Variants in MFHAS1 observed in about 807,000 individuals in gnomAD.
The protein encoded by MFHAS1 is multifunctional ROCO family signaling regulator 1.
A neutral mutation model predicts 70.4 loss-of-function variants in MFHAS1; 50 were observed. The observed-to-expected ratio is 0.71, with a 90% CI of 0.57 to 0.90. MFHAS1 has a LOEUF of 0.90. Ranked by LOEUF, MFHAS1 falls within the 40% of genes least tolerant of loss-of-function variation. The pLI, the probability that MFHAS1 is intolerant of heterozygous loss-of-function variation, is 0.00. For missense variants in MFHAS1, 1,795 were observed against 1,347.6 expected, an observed-to-expected ratio of 1.33 and a Z score of -5.20; for synonymous variants, 952 against 620.0, an observed-to-expected ratio of 1.54 and a Z score of -7.96.
chr8:8,849,511 TGTCA>T (rs1808163168), intron 1 of MFHAS1, among the ~76,000 whole-genome samples: 2 of 152,210 alleles, frequency 1.3e-5, no homozygotes, highest in South Asian at 4.1e-4. Flanking sequence ...GTGTATTCTG[TGTCA>T]GTAAGAAACG....
intron 1 of MFHAS1, among the ~76,000 whole-genome samples, chr8:8,887,695 A>G (rs1372171863): frequency 6.6e-6 from 1 of 151,498 alleles, no homozygotes; most frequent in East Asian, 1.9e-4. Context: ...TTGAAAAAAA[A>G]TCTCTTCCTT....
chr8:8,804,981 G>C (rs1156435689), intron 1 of MFHAS1, among the ~76,000 whole-genome samples: 1 of 152,180 alleles, frequency 6.6e-6, no homozygotes, highest in African/African-American at 2.4e-5. Flanking sequence ...AAAGATAGGA[G>C]GGAGAAGGGG....
At chr8:8,820,358 T>C (rs1308186765) in intron 1 of MFHAS1, among the ~76,000 whole-genome samples, 2 of 152,006 alleles carry the variant, frequency 1.3e-5, no homozygotes, top group Admixed American at 6.6e-5. Context: ...CATGCACACA[T>C]CAGGAATTTT....
rs190563279 is a variant in MFHAS1, at chr8:8,883,542, T to C, written c.2998+6519A>G. 1.3e-3 allele frequency among the ~76,000 whole-genome samples: 192 copies of C among 151,692 alleles called. 1 individual carries two copies. The highest frequency in any genetic ancestry group is 4.4e-3 in the African/African-American group (180 of 41,336). On this transcript the variant is annotated intron_variant, in intron 1 of 2. Coordinates refer to ENST00000276282, the MANE Select transcript of MFHAS1 (RefSeq NM_004225.3). ...GGCCAACATGGTGAAACCTCGTTTC[T>C]ACTAAAATTACAAAAATTAGCTGGG...
intron 1 of MFHAS1, among the ~76,000 whole-genome samples, chr8:8,874,102 T>G (rs979363037): frequency 6.6e-6 from 1 of 152,178 alleles, no homozygotes; most frequent in African/African-American, 2.4e-5. Flanking sequence ...CACTTTGATT[T>G]AGAGATTTGT....
intron 1 of MFHAS1, among the ~76,000 whole-genome samples, chr8:8,882,769 C>T (rs971614542): frequency 5.9e-5 from 9 of 152,212 alleles, no homozygotes; most frequent in Admixed American, 4.6e-4. Context: ...ACAGGGGTTC[C>T]TAATCCCTCC....
At chr8:8,845,264 T>C (rs1807986598) in intron 1 of MFHAS1, among the ~76,000 whole-genome samples, 1 of 152,210 alleles carries the variant, frequency 6.6e-6, no homozygotes. Context: ...TCAGAAACAG[T>C]CCTATAGACA....
chr8:8,885,664 A>C (rs1186294743), intron 1 of MFHAS1, among the ~76,000 whole-genome samples: 1 of 152,232 alleles, frequency 6.6e-6, no homozygotes, highest in Non-Finnish European at 1.5e-5. Context: ...GCTACCAGCT[A>C]TGGGCAGCAA....
At chr8:8,807,855 C>T (rs900887413) in intron 1 of MFHAS1, among the ~76,000 whole-genome samples, 1 of 152,190 alleles carries the variant, frequency 6.6e-6, no homozygotes, top group African/African-American at 2.4e-5. Flanking sequence ...TGAACTTGAA[C>T]TTGTCATTCA....
intron 1 of MFHAS1, among the ~76,000 whole-genome samples, chr8:8,878,414 T>A (rs1003364651): frequency 6.6e-6 from 1 of 151,972 alleles, no homozygotes; most frequent in African/African-American, 2.4e-5. Context: ...TTAAATAAGA[T>A]CACCCCTAGG....
chr8:8,845,008 GGAGT>G (rs1304516079), intron 1 of MFHAS1, among the ~76,000 whole-genome samples: 2 of 152,154 alleles, frequency 1.3e-5, no homozygotes, highest in African/African-American at 2.4e-5. Context: ...CATTTTTGTT[GGAGT>G]AAGAGGAAAA....
chr8:8,794,701 A>AT (rs140768700), intron 2 of MFHAS1, among the ~76,000 whole-genome samples: 16,867 of 152,202 alleles, frequency 0.11, 1,211 homozygotes, highest in African/African-American at 0.2. Context: ...TGAGAATTAT[A>AT]TTGCAAAGCT....
At chr8:8,861,393 A>G (rs1808655600) in intron 1 of MFHAS1, among the ~76,000 whole-genome samples, 1 of 152,232 alleles carries the variant, frequency 6.6e-6, no homozygotes, top group Non-Finnish European at 1.5e-5. Context: ...AACAGAATAT[A>G]ATCAATCACA....
rs772570705 is a variant in MFHAS1 at position 8,864,869 on chromosome 8, G to A, written c.2998+25192C>T. 1.2e-4 allele frequency among the ~76,000 whole-genome samples: 18 copies of A among 152,148 alleles called. 1 individual carries two copies. The highest frequency in any genetic ancestry group is 2.1e-4 in the South Asian group (1 of 4,826). ...TCATAAAGTTATATAACATGGTGCC[G>A]AAATTGTCTCATCCAAAAAATTACT... On this transcript the variant is annotated intron_variant, in intron 1 of 2. Transcript: ENST00000276282.
chr8:8,792,301 G>C (rs998191762), intron 2 of MFHAS1, among the ~76,000 whole-genome samples: 1 of 148,566 alleles, frequency 6.7e-6, no homozygotes, highest in African/African-American at 2.5e-5. Context: ...TCCTGAAAGT[G>C]ACACTAAAAA....
intron 1 of MFHAS1, among the ~76,000 whole-genome samples, chr8:8,818,686 TTCCTCACA>T (rs775794782): frequency 1.1e-4 from 17 of 152,250 alleles, no homozygotes; most frequent in Non-Finnish European, 2.2e-4. Flanking sequence ...GTTGACTTCC[TTCCTCACA>T]TCCTTGTTAC....
At chr8:8,805,245 A>G (rs1053009643) in intron 1 of MFHAS1, among the ~76,000 whole-genome samples, 4 of 152,182 alleles carry the variant, frequency 2.6e-5, no homozygotes, top group African/African-American at 9.7e-5. Flanking sequence ...CCCTTGAACA[A>G]TCAACACCCC....
Position 8,811,161 on chromosome 8 carries a change from G to A in MFHAS1, c.2999-13670C>T, listed in dbSNP as rs574910604. The stretch of plus-strand genomic sequence containing the variant: ...CTACTCCCCTACCCAAGTGTCATCC[G>A]CAGAATAAAATCCAGCCGGGACTTG... On this transcript the variant is annotated intron_variant, in intron 1 of 2. Coordinates refer to ENST00000276282, the MANE Select transcript of MFHAS1 (RefSeq NM_004225.3). 1.0e-3 allele frequency among the ~76,000 whole-genome samples: 158 copies of A among 152,014 alleles called. 1 individual carries two copies. The highest frequency in any genetic ancestry group is 9.2e-4 in the African/African-American group (38 of 41,452).
At chr8:8,833,258 T>G (rs1261130345) in intron 1 of MFHAS1, among the ~76,000 whole-genome samples, 3 of 152,176 alleles carry the variant, frequency 2.0e-5, no homozygotes, top group African/African-American at 7.2e-5. Context: ...AACATGAGAT[T>G]TGTGTGGGGA....
Sources: gnomAD v4.1 joint callset for allele counts (sites outside exome capture counted in the v4.1 genomes callset) on GRCh38, gnomAD v4.1.1 for gene constraint, MANE v1.5 for transcripts, NCBI Gene and HGNC (gene_info 2026-07-23, HGNC 2026-07-21) for gene names.